Variants in PTPN12 observed in about 807,000 individuals in gnomAD.
PTPN12 encodes the protein protein tyrosine phosphatase non-receptor type 12, also known as tyrosine-protein phosphatase non-receptor type 12.
PTPN12 carries 29 observed loss-of-function variants against 97.6 expected under a neutral mutation model. The ratio of observed to expected loss-of-function variants is 0.30; its 90% CI spans 0.22 to 0.41. The LOEUF is 0.41. Ranked by LOEUF, PTPN12 falls within the 10% of genes least tolerant of loss-of-function variation. The pLI is 1.00. For synonymous variants in PTPN12, 327 were observed against 300.4 expected (o/e 1.09, Z -0.91); for missense variants, 819 against 926.0 (o/e 0.88, Z 1.50).
chr7:77,567,472 C>G (rs1304843943), intron 1 of PTPN12, among the ~76,000 whole-genome samples: 1 of 151,978 alleles, frequency 6.6e-6, no homozygotes, highest in African/African-American at 2.4e-5. Context: ...GTGGGGAGAC[C>G]ACCAACAAGC....
At chr7:77,626,626 C>T (rs1000022577) in intron 12 of PTPN12, 79 bp from the exon 13 acceptor site, 2 of 1,422,612 alleles carry the variant, frequency 1.4e-6, no homozygotes, top group Non-Finnish European at 1.9e-6. Context: ...TCTTAATATG[C>T]TACTCTTAGC....
chr7:77,600,648 T>A lies in PTPN12; in HGVS notation c.553-16T>A. 6.4e-7 allele frequency: 1 copy of A among 1,571,422 alleles called. No individual in the cohort carries two copies. The highest frequency in any genetic ancestry group is 1.2e-5 in the South Asian group (1 of 83,996). ...AAAGTATTTTCATAATTGTTGACTT[T>A]CTGTTTTTCTTGAAGGAATCTCGTA... is the stretch of plus-strand genomic sequence containing the variant. On this transcript the variant is annotated splice_polypyrimidine_tract_variant and intron_variant, in intron 7 of 17. Coordinates refer to ENST00000248594, the MANE Select transcript of PTPN12 (RefSeq NM_002835.4).
chr7:77,617,064 T>C (rs1457640746), intron 11 of PTPN12, among the ~76,000 whole-genome samples: 1 of 152,178 alleles, frequency 6.6e-6, no homozygotes, highest in East Asian at 1.9e-4. Context: ...ATTACAGGTG[T>C]GAGCCACTGC....
intron 2 of PTPN12, among the ~76,000 whole-genome samples, chr7:77,575,891 G>T (rs918810149): frequency 5.9e-5 from 9 of 151,874 alleles, no homozygotes; most frequent in Non-Finnish European, 1.3e-4. Flanking sequence ...TCATTCTGTT[G>T]CCCAGGCTGG....
At position 77,625,472 on chromosome 7, in the gene PTPN12, G is replaced by GCT. The variant is rs775712037; in HGVS notation, c.1026-1183_1026-1182dup. On this transcript the variant is annotated intron_variant, in intron 12 of 17. Coordinates refer to ENST00000248594, the MANE Select transcript of PTPN12 (RefSeq NM_002835.4). ...TTTTGCCATATTGCCCAGGCTGCTC[G>GCT]CTCTCTCTCTCTCTCTCTCTCTCTC... is the stretch of plus-strand genomic sequence containing the variant. Among the ~76,000 whole-genome samples the GCT allele has an allele frequency of 9.4e-3, 314 of 33,466 alleles. 15 individuals carry two copies. Among genetic ancestry groups the GCT allele is most frequent in the Non-Finnish European group, 0.011 (226 of 19,974 alleles). The allele number at this position is 33,466 out of a possible 152,430, so 22.0% of individuals were successfully genotyped here. A position where few individuals can be genotyped will look rare whatever the true frequency, so the allele number is the denominator to read the frequency against.
chr7:77,607,333 A>T, intron 9 of PTPN12, 32 bp downstream of exon 9: 3 of 1,417,078 alleles, frequency 2.1e-6, no homozygotes, highest in Non-Finnish European at 3.0e-6. Flanking sequence ...ATTATGTTCA[A>T]TTGATCTATT....
chr7:77,637,902 C>T (rs1252131981), intron 16 of PTPN12, among the ~76,000 whole-genome samples: 2 of 138,770 alleles, frequency 1.4e-5, no homozygotes, highest in African/African-American at 5.3e-5. Context: ...TTTCAAGGTG[C>T]AAATAGTGCA....
chr7:77,565,567 A>G (rs1428484694), intron 1 of PTPN12, among the ~76,000 whole-genome samples: 1 of 152,208 alleles, frequency 6.6e-6, no homozygotes, highest in Admixed American at 6.5e-5. Flanking sequence ...GACTCTGGAG[A>G]GATTTAACAA....
intron 6 of PTPN12, among the ~76,000 whole-genome samples, chr7:77,595,633 T>C (rs1787999923): frequency 6.6e-6 from 1 of 152,232 alleles, no homozygotes; most frequent in South Asian, 2.1e-4. Flanking sequence ...ACAAAGACTT[T>C]GTGGCCCAAA....
intron 12 of PTPN12, among the ~76,000 whole-genome samples, chr7:77,625,510 T>TCTCACTCTCA (rs1789126225): frequency 1.0e-5 from 1 of 100,326 alleles, no homozygotes; most frequent in African/African-American, 4.4e-5. Context: ...TCTCTCTCTC[T>TCTCACTCTCA]CTCTCTCTCT....
chr7:77,609,559 T>TG (rs1385457244), intron 9 of PTPN12, among the ~76,000 whole-genome samples: 1 of 149,444 alleles, frequency 6.7e-6, no homozygotes, highest in Non-Finnish European at 1.5e-5. Context: ...CATGAGCCAC[T>TG]GCACCCGGCC....
intron 1 of PTPN12, among the ~76,000 whole-genome samples, chr7:77,565,863 A>C (rs1808235080): frequency 1.3e-5 from 2 of 152,242 alleles, no homozygotes; most frequent in African/African-American, 4.8e-5. Context: ...ATAATTCTTC[A>C]ATTTGTAATG....
In PTPN12 at chr7:77,585,549, G is replaced by T; in HGVS notation, c.388G>T (p.Val130Leu). Residue 130 changes from valine to leucine, a missense_variant, in exon 5 of 18, where the codon GTA becomes TTA. By Grantham distance (32) the Val-to-Leu change is conservative. Transcript: ENST00000248594. Reference sequence around the variant, plus strand: ...CCCCACCATCACTTTTTAGATCATTGTAATGGCCTGCCGAGAATTTGAGAT... The same window carrying T: ...CCCCACCATCACTTTTTAGATCATTTTAATGGCCTGCCGAGAATTTGAGAT... ...MIWEYNVVII[V>L]MACREFEMGR... 4 of 1,606,768 alleles carry T rather than the reference G, an allele frequency of 2.5e-6. No individual in the cohort carries two copies. Among genetic ancestry groups the T allele is most frequent in the Non-Finnish European group, 3.4e-6 (4 of 1,174,072 alleles).
At position 77,627,550 on chromosome 7, in the gene PTPN12, T is replaced by G. The variant is rs1789243023; in HGVS notation, c.1871T>G (p.Ile624Ser). Reference protein sequence around the residue: ...DGAVTQNKTNISTASATVSAA... With the variant: ...DGAVTQNKTNSSTASATVSAA... The stretch of plus-strand genomic sequence containing the variant: ...GCTGTGACCCAGAATAAAACTAATA[T>G]TTCAACAGCAAGTGCCACAGTTTCT... Residue 624 changes from isoleucine to serine, a missense_variant, in exon 13 of 18, where the codon ATT becomes AGT. Around this residue, in one of 5 missense-constraint regions of PTPN12, gnomAD observed 607 missense variants for 577.3 expected, o/e 1.05. Coordinates refer to ENST00000248594, the MANE Select transcript of PTPN12 (RefSeq NM_002835.4). 2 of 1,613,976 alleles carry G rather than the reference T, an allele frequency of 1.2e-6. No individual in the cohort carries two copies. Among genetic ancestry groups the G allele is most frequent in the South Asian group, 2.2e-5 (2 of 91,076 alleles).
intron 11 of PTPN12, among the ~76,000 whole-genome samples, chr7:77,612,533 G>T (rs1485786412): frequency 6.6e-6 from 1 of 152,140 alleles, no homozygotes; most frequent in Non-Finnish European, 1.5e-5. Flanking sequence ...CCGCCTCCCA[G>T]GTTCAAGCGA....
At position 77,626,710 on chromosome 7, in the gene PTPN12, T is replaced by A; in HGVS notation, c.1031T>A (p.Leu344His). ...PPKPPRTRSC[L>H]VEGDAKEEIL... is the part of the protein sequence containing the mutation. ...TTTAAATGTTTGTTTTTCAGTTGCC[T>A]TGTTGAAGGGGATGCTAAAGAAGAA... The change falls in exon 13 of 18, where the codon CTT becomes CAT. Residue 344 changes from leucine to histidine, a missense_variant. Around this residue, in one of 5 missense-constraint regions of PTPN12, gnomAD observed 607 missense variants for 577.3 expected, o/e 1.05. Transcript: ENST00000248594. The A allele has an allele frequency of 6.3e-7, 1 of 1,588,606 alleles. No homozygotes were observed. The highest frequency in any genetic ancestry group is 2.2e-5 in the East Asian group (1 of 44,628).
At position 77,600,660 on chromosome 7, in the gene PTPN12, GA is replaced by G; in HGVS notation, c.553-2del. 2 of 1,576,342 alleles carry G rather than the reference GA, an allele frequency of 1.3e-6. No homozygotes were observed. Among genetic ancestry groups the G allele is most frequent in the South Asian group, 1.2e-5 (1 of 84,326 alleles). Reference sequence around the variant, plus strand: ...TAATTGTTGACTTTCTGTTTTTCTTGAAGGAATCTCGTAGGCTGTATCAGTT... The same window carrying G: ...TAATTGTTGACTTTCTGTTTTTCTTGAGGAATCTCGTAGGCTGTATCAGTT... On this transcript the variant is annotated splice_region_variant and splice_polypyrimidine_tract_variant and intron_variant, in intron 7 of 17. Coordinates refer to ENST00000248594, the MANE Select transcript of PTPN12 (RefSeq NM_002835.4).
At chr7:77,625,479 C>CTCTCTCTCTCTCTCTCTCTT in intron 12 of PTPN12, among the ~76,000 whole-genome samples, 1 of 77,574 alleles carries the variant, frequency 1.3e-5, no homozygotes, top group Non-Finnish European at 2.8e-5. Context: ...CTCGCTCTCT[C>CTCTCTCTCTCTCTCTCTCTT]TCTCTCTCTC....
chr7:77,540,271 T>A (rs1806896942), intron 1 of PTPN12, among the ~76,000 whole-genome samples: 1 of 150,898 alleles, frequency 6.6e-6, no homozygotes, highest in Non-Finnish European at 1.5e-5. Context: ...AACACCTCGC[T>A]GTGTCGCCCA....
Sources: gnomAD v4.1 joint callset for allele counts (sites outside exome capture counted in the v4.1 genomes callset) on GRCh38, gnomAD v4.1.1 for gene constraint, gnomAD v4.1.1 regional missense constraint, MANE v1.5 for transcripts, NCBI Gene and HGNC (gene_info 2026-07-23, HGNC 2026-07-21) for gene names.